Variants in KCNIP4 observed in about 807,000 individuals in gnomAD.
KCNIP4 encodes the protein potassium voltage-gated channel interacting protein 4.
A neutral mutation model predicts 34.0 loss-of-function variants in KCNIP4; 12 were observed. The observed-to-expected ratio is 0.35, with a 90% CI of 0.23 to 0.57. The LOEUF (loss-of-function observed/expected upper bound fraction) is 0.57. Among genes scored for constraint, KCNIP4 ranks in the 20% least tolerant of loss-of-function variants. The pLI, the probability that KCNIP4 is intolerant of heterozygous loss-of-function variation, is 0.83. For missense variants in KCNIP4, 238 were observed against 311.7 expected (o/e 0.76, Z 1.78); for synonymous variants, 124 against 102.2 (o/e 1.21, Z -1.29).
At chr4:20,940,577 T>G (rs1420063875) in intron 1 of KCNIP4, among the ~76,000 whole-genome samples, 1 of 152,228 alleles carries the variant, frequency 6.6e-6, no homozygotes, top group African/African-American at 2.4e-5. Flanking sequence ...ATAAAAATTA[T>G]GAAATACATT....
At chr4:21,150,612 C>T (rs767587133) in intron 1 of KCNIP4, among the ~76,000 whole-genome samples, 19 of 152,198 alleles carry the variant, frequency 1.2e-4, no homozygotes, top group Non-Finnish European at 2.1e-4. Flanking sequence ...CAAGAAATAT[C>T]AACATGGCTC....
At chr4:21,940,941 T>G (rs1730169895) in intron 1 of KCNIP4, among the ~76,000 whole-genome samples, 1 of 152,282 alleles carries the variant, frequency 6.6e-6, no homozygotes, top group East Asian at 1.9e-4. Context: ...CAACCCTGTA[T>G]CTTTGCCTTT....
chr4:21,216,083 G>A (rs754363006), intron 1 of KCNIP4, among the ~76,000 whole-genome samples: 10 of 152,228 alleles, frequency 6.6e-5, no homozygotes, highest in South Asian at 2.1e-4. Flanking sequence ...GAGCCACCAC[G>A]CCCAGCCCAA....
chr4:20,936,673 C>T (rs1731098844), intron 1 of KCNIP4, among the ~76,000 whole-genome samples: 2 of 152,228 alleles, frequency 1.3e-5, no homozygotes, highest in South Asian at 2.1e-4. Context: ...CCTTCATTCT[C>T]CTGTATTATT....
At position 21,032,057 on chromosome 4, in the gene KCNIP4, G is replaced by A. The variant is rs367944696; in HGVS notation, c.62-149348C>T. Reference sequence around the variant, plus strand: ...GTTGCACACAGAGAACAGCCTCGAAGGGCCTCACACCAAGACATGGCAGAT... The same window carrying A: ...GTTGCACACAGAGAACAGCCTCGAAAGGCCTCACACCAAGACATGGCAGAT... On this transcript the variant is annotated intron_variant, in intron 1 of 8. Coordinates refer to ENST00000382152, the MANE Select transcript of KCNIP4 (RefSeq NM_025221.6). 7.9e-5 allele frequency among the ~76,000 whole-genome samples: 12 copies of A among 152,228 alleles called. No individual in the cohort carries two copies. In the East Asian group the frequency reaches 1.9e-3, roughly 25 times the overall value.
intron 1 of KCNIP4, among the ~76,000 whole-genome samples, chr4:20,960,175 T>C (rs1031448229): frequency 2.0e-5 from 3 of 152,226 alleles, no homozygotes; most frequent in Non-Finnish European, 2.9e-5. Flanking sequence ...GTTCCAGGAC[T>C]GAGTTTGAAT....
intron 1 of KCNIP4, among the ~76,000 whole-genome samples, chr4:21,855,979 AG>A (rs910052060): frequency 6.6e-6 from 1 of 152,170 alleles, no homozygotes; most frequent in Non-Finnish European, 1.5e-5. Context: ...TTAAAATGAG[AG>A]TTTTTACTTA....
chr4:21,070,260 GT>G (rs1191146872), intron 1 of KCNIP4, among the ~76,000 whole-genome samples: 10 of 152,106 alleles, frequency 6.6e-5, no homozygotes, highest in African/African-American at 2.4e-4. Flanking sequence ...TTTTGGTCTT[GT>G]TTTTGGCGAT....
At chr4:20,806,076 G>T (rs1018664680) in intron 3 of KCNIP4, among the ~76,000 whole-genome samples, 3 of 151,288 alleles carry the variant, frequency 2.0e-5, no homozygotes, top group African/African-American at 4.9e-5. Context: ...AGTTTCCTTT[G>T]GGGGGGCTTT....
rs1440848280 is a variant in KCNIP4 at position 20,973,730 on chromosome 4, T to TTAATTGGCC, written c.62-91030_62-91022dup. ...ACACTTAGAGGCCATTGTAGGATTA[T>TTAATTGGCC]TAATTGGCCTAATTTCATTATTGTT... On this transcript the variant is annotated intron_variant, in intron 1 of 8. Transcript: ENST00000382152. 3.9e-5 allele frequency among the ~76,000 whole-genome samples: 6 copies of TTAATTGGCC among 152,296 alleles called. No individual in the cohort carries two copies. The East Asian group carries it at 1.2e-3, about 29-fold the overall frequency.
chr4:21,131,425 C>A (rs1284981712), intron 1 of KCNIP4, among the ~76,000 whole-genome samples: 4 of 152,022 alleles, frequency 2.6e-5, no homozygotes, highest in Admixed American at 2.0e-4. Context: ...CTGGCTAACA[C>A]GGTGAAACCC....
At chr4:21,066,187 T>G (rs1032265595) in intron 1 of KCNIP4, among the ~76,000 whole-genome samples, 13 of 152,146 alleles carry the variant, frequency 8.5e-5, no homozygotes, top group African/African-American at 3.1e-4. Context: ...TGTGGGCAGC[T>G]CTGATGGCTC....
intron 1 of KCNIP4, among the ~76,000 whole-genome samples, chr4:21,567,260 A>C (rs1339037446): frequency 6.6e-6 from 1 of 151,926 alleles, no homozygotes; most frequent in Non-Finnish European, 1.5e-5. Context: ...ATATGTGTAC[A>C]TTTGTGTATA....
At chr4:21,005,011 G>T (rs1290692400) in intron 1 of KCNIP4, among the ~76,000 whole-genome samples, 1 of 152,070 alleles carries the variant, frequency 6.6e-6, no homozygotes, top group Admixed American at 6.6e-5. Flanking sequence ...GGACCAATAA[G>T]GTGTTATTTG....
intron 1 of KCNIP4, among the ~76,000 whole-genome samples, chr4:21,232,899 G>A (rs1306468852): frequency 1.3e-5 from 2 of 152,112 alleles, no homozygotes; most frequent in Non-Finnish European, 2.9e-5. Context: ...AGAGAATGAG[G>A]GGATTACCGA....
At chr4:20,738,071 A>G (rs944918491) in intron 5 of KCNIP4, among the ~76,000 whole-genome samples, 1 of 151,976 alleles carries the variant, frequency 6.6e-6, no homozygotes, top group Non-Finnish European at 1.5e-5. Flanking sequence ...TCGAGGCTAC[A>G]GTGAACTATG....
chr4:21,716,871 T>A (rs1450256896), intron 1 of KCNIP4, among the ~76,000 whole-genome samples: 1 of 152,070 alleles, frequency 6.6e-6, no homozygotes, highest in Admixed American at 6.6e-5. Context: ...AGAACTCAAG[T>A]GTAGGTAAAT....
chr4:21,690,736 C>T (rs1711542136), intron 1 of KCNIP4, among the ~76,000 whole-genome samples: 1 of 152,136 alleles, frequency 6.6e-6, no homozygotes, highest in South Asian at 2.1e-4. Context: ...ATCAATGTGC[C>T]TAACAAACAC....
At chr4:21,577,369 C>T (rs1479010741) in intron 1 of KCNIP4, among the ~76,000 whole-genome samples, 1 of 152,122 alleles carries the variant, frequency 6.6e-6, no homozygotes, top group Non-Finnish European at 1.5e-5. Context: ...GTGGCTCACC[C>T]CTGTAATCCC....
Sources: gnomAD v4.1 joint callset for allele counts (sites outside exome capture counted in the v4.1 genomes callset) on GRCh38, gnomAD v4.1.1 for gene constraint, MANE v1.5 for transcripts, NCBI Gene and HGNC (gene_info 2026-07-23, HGNC 2026-07-21) for gene names.